GCA: variants seen among roughly 807,000 people sequenced by gnomAD.
The protein encoded by GCA is grancalcin, EF-hand calcium-binding protein.
In GCA, 30 loss-of-function variants were observed where a neutral mutation model predicts 32.6. That is an observed-to-expected ratio of 0.92 (90% CI 0.69 to 1.25). The LOEUF is 1.25. Among genes scored for constraint, GCA ranks in the 50% most tolerant of loss-of-function variants. The pLI is 0.00. For synonymous variants in GCA, 102 were observed against 84.6 expected (o/e 1.21, Z -1.13); for missense variants, 291 against 266.8 (o/e 1.09, Z -0.63).
chr2:162,367,334 A>G (rs1685783070), downstream of GCA, among the ~76,000 whole-genome samples: 1 of 151,926 alleles, frequency 6.6e-6, no homozygotes, highest in Non-Finnish European at 1.5e-5. Flanking sequence ...GTAAAATTAT[A>G]TTTTCTGTAA....
chr2:162,366,871 T>C (rs1685767281), downstream of GCA, among the ~76,000 whole-genome samples: 1 of 151,760 alleles, frequency 6.6e-6, no homozygotes, highest in African/African-American at 2.4e-5. Flanking sequence ...CATGTGAAAA[T>C]GACTTCATAA....
chr2:162,338,240 G>A (rs1043831425), intron 1 of GCA, among the ~76,000 whole-genome samples: 3 of 152,032 alleles, frequency 2.0e-5, no homozygotes, highest in Non-Finnish European at 4.4e-5. Context: ...AATATGAAGG[G>A]GGGCACTCTT....
chr2:162,333,373 T>C (rs537394206), intron 1 of GCA, among the ~76,000 whole-genome samples: 1 of 152,154 alleles, frequency 6.6e-6, no homozygotes, highest in East Asian at 1.9e-4. Flanking sequence ...GATTATTCCT[T>C]AAATAATTAA....
intron 2 of GCA, 48 bp from the exon 3 acceptor site, chr2:162,352,290 C>G: frequency 9.2e-7 from 1 of 1,084,932 alleles, no homozygotes; most frequent in African/African-American, 1.5e-5. Context: ...TTTTAATATG[C>G]TTTTATACAA....
At chr2:162,358,523 A>T (rs554401174) in intron 5 of GCA, among the ~76,000 whole-genome samples, 2 of 151,554 alleles carry the variant, frequency 1.3e-5, no homozygotes, top group Non-Finnish European at 1.5e-5. Flanking sequence ...GTGTATGAAG[A>T]AACACTAAGA....
Position 162,344,180 on chromosome 2 carries a change from C to G in GCA, c.-69C>G. The G allele has an allele frequency of 6.3e-7, 1 of 1,576,730 alleles. No individual in the cohort carries two copies. The highest frequency in any genetic ancestry group is 8.7e-7 in the Non-Finnish European group (1 of 1,146,804). Reference sequence around the variant, plus strand: ...CAGCTGCGCCTCCTTGCACCTGCGCCTGTGCTTTTTCTCCCAGCACTGCGG... The same window carrying G: ...CAGCTGCGCCTCCTTGCACCTGCGCGTGTGCTTTTTCTCCCAGCACTGCGG... On this transcript the variant is annotated 5_prime_UTR_variant, in exon 1 of 8. Coordinates refer to ENST00000437150, the MANE Select transcript of GCA (RefSeq NM_012198.5).
chr2:162,319,481 C>T (rs2105241736), intron 1 of GCA: 1 of 222,526 alleles, frequency 4.5e-6, no homozygotes, highest in South Asian at 5.1e-5. Context: ...TTTGATATAG[C>T]TGCCATTCTT....
intron 1 of GCA, among the ~76,000 whole-genome samples, chr2:162,330,786 C>T (rs962939402): frequency 6.6e-6 from 1 of 152,170 alleles, no homozygotes; most frequent in Non-Finnish European, 1.5e-5. Context: ...CATCAATTCT[C>T]ATTTTTGGTG....
rs1685538602 is a variant in GCA at position 162,360,814 on chromosome 2, A to G, written c.*571A>G. On this transcript the variant is annotated 3_prime_UTR_variant, in exon 8 of 8. Transcript: ENST00000437150. ...TCTCCCTAGTTCAATCTGTAGTGAA[A>G]TAAGACTACAGAAGGCATTGTTTTT... is the stretch of plus-strand genomic sequence containing the variant. 2 of 1,265,322 alleles carry G rather than the reference A, an allele frequency of 1.6e-6. No individual in the cohort carries two copies. The highest frequency in any genetic ancestry group is 2.5e-5 in the South Asian group (1 of 40,580). The allele number at this position is 1,265,322 out of a possible 1,614,324, so 78.4% of individuals were successfully genotyped here.
At chr2:162,332,357 T>C (rs1313640937) in intron 1 of GCA, among the ~76,000 whole-genome samples, 1 of 146,274 alleles carries the variant, frequency 6.8e-6, no homozygotes, top group African/African-American at 2.5e-5. Context: ...ATATTATTTA[T>C]ATATTATATG....
intron 1 of GCA, 193 bp downstream of exon 1, chr2:162,344,468 A>G: frequency 1.7e-6 from 1 of 597,476 alleles, no homozygotes; most frequent in Non-Finnish European, 3.0e-6. Context: ...TTGGAGCCGC[A>G]GGTTTTCTGG....
chr2:162,349,276 G>A (rs1054042670), intron 2 of GCA, among the ~76,000 whole-genome samples: 1 of 151,884 alleles, frequency 6.6e-6, no homozygotes. Context: ...TAAATCTTCA[G>A]CCTGTACCAT....
chr2:162,353,999 T>G (rs1426534079), intron 3 of GCA, among the ~76,000 whole-genome samples: 1 of 152,172 alleles, frequency 6.6e-6, no homozygotes, highest in Non-Finnish European at 1.5e-5. Flanking sequence ...CAAGAGCTTC[T>G]GTTCTATTTT....
At chr2:162,346,427 C>T (rs1684711649) in intron 1 of GCA, among the ~76,000 whole-genome samples, 1 of 152,200 alleles carries the variant, frequency 6.6e-6, no homozygotes, top group Non-Finnish European at 1.5e-5. Flanking sequence ...CTTTACCACT[C>T]CCCTTATCGA....
chr2:162,324,599 G>C (rs1022859388), intron 1 of GCA, among the ~76,000 whole-genome samples: 2 of 152,140 alleles, frequency 1.3e-5, no homozygotes, highest in Non-Finnish European at 2.9e-5. Flanking sequence ...GGTACAGGAT[G>C]GGGGCATGGC....
chr2:162,343,255 C>T (rs999436166), upstream of GCA, among the ~76,000 whole-genome samples: 15 of 152,208 alleles, frequency 9.9e-5, no homozygotes, highest in African/African-American at 3.6e-4. Flanking sequence ...CTACAGCTGC[C>T]TTGTCCTTTT....
Position 162,346,693 on chromosome 2 carries a change from A to G in GCA, c.28-885A>G, listed in dbSNP as rs149752939. 7.5e-3 allele frequency: 1,138 copies of G among 152,328 alleles called. 12 individuals carry two copies. The highest frequency in any genetic ancestry group is 0.026 in the African/African-American group (1,082 of 41,564). 9.4% of individuals were successfully genotyped at this position (152,328 alleles called of 1,614,324 possible). On this transcript the variant is annotated intron_variant, in intron 1 of 7. Coordinates refer to ENST00000437150, the MANE Select transcript of GCA (RefSeq NM_012198.5). Reference sequence around the variant, plus strand: ...TCATCCCTAAACACGGTTTACATAAATTTATATTTCAAGTTGTCCTCTTGA... The same window carrying G: ...TCATCCCTAAACACGGTTTACATAAGTTTATATTTCAAGTTGTCCTCTTGA...
chr2:162,343,759 T>G (rs1684527226), upstream of GCA, among the ~76,000 whole-genome samples: 1 of 152,166 alleles, frequency 6.6e-6, no homozygotes, highest in South Asian at 2.1e-4. Flanking sequence ...CTCAAAAGCG[T>G]GGAGGGCTGG....
At position 162,344,144 on chromosome 2, in the gene GCA, A is replaced by G. The variant is rs1684547379; in HGVS notation, c.-105A>G. 11 of 1,242,704 alleles carry G rather than the reference A, an allele frequency of 8.9e-6. No individual in the cohort carries two copies. Among genetic ancestry groups the G allele is most frequent in the South Asian group, 7.5e-5 (6 of 80,098 alleles). The allele number at this position is 1,242,704 out of a possible 1,614,324, so 77.0% of individuals were successfully genotyped here. A position where few individuals can be genotyped will look rare whatever the true frequency, so the allele number is the denominator to read the frequency against. ...GAACTGTGCGGTTAGTGCGCCTTTCAGCCTCACCTGCAGCTGCGCCTCCTT... is the reference window on the plus strand; with the variant it reads ...GAACTGTGCGGTTAGTGCGCCTTTCGGCCTCACCTGCAGCTGCGCCTCCTT... On this transcript the variant is annotated 5_prime_UTR_variant, in exon 1 of 8. Coordinates refer to ENST00000437150, the MANE Select transcript of GCA (RefSeq NM_012198.5).
Sources: gnomAD v4.1 joint callset for allele counts (sites outside exome capture counted in the v4.1 genomes callset) on GRCh38, gnomAD v4.1.1 for gene constraint, MANE v1.5 for transcripts, NCBI Gene and HGNC (gene_info 2026-07-23, HGNC 2026-07-21) for gene names.